EML5: variants seen among roughly 807,000 people sequenced by gnomAD.
EML5 encodes the protein echinoderm microtubule-associated protein-like 5.
A neutral mutation model predicts 250.0 loss-of-function variants in EML5; 120 were observed. The observed-to-expected ratio is 0.48, with a 90% CI of 0.41 to 0.56. The LOEUF is 0.56. EML5 is among the 20% of genes least tolerant of loss of function. The pLI is 0.00. For missense variants in EML5, 2,006 were observed against 2,437.6 expected, an observed-to-expected ratio of 0.82 and a Z score of 3.73; for synonymous variants, 771 against 806.5, an observed-to-expected ratio of 0.96 and a Z score of 0.75.
chr14:88,755,478 C>T lies in EML5; in HGVS notation c.198-807G>A, dbSNP rs114880149. Among the ~76,000 whole-genome samples, 864 of 151,506 alleles carry T rather than the reference C, an allele frequency of 5.7e-3. 7 individuals carry two copies. Among genetic ancestry groups the T allele is most frequent in the African/African-American group, 0.02 (831 of 41,334 alleles). ...AGAAACAGAAAGGTCACCCATAATT[C>T]GCAAAAAAAAATCTATGAGTCTCTA... On this transcript the variant is annotated intron_variant, in intron 1 of 43. Transcript: ENST00000554922.
intron 1 of EML5, among the ~76,000 whole-genome samples, chr14:88,773,680 C>A (rs1242782278): frequency 1.3e-5 from 2 of 152,196 alleles, no homozygotes; most frequent in African/African-American, 4.8e-5. Context: ...ATCACAATTT[C>A]TTTGGGTAAG....
In EML5 at chr14:88,758,552, C is replaced by T. The variant is rs568356352; in HGVS notation, c.198-3881G>A. ...AGTATTGGCAAGGATGTGGAAAAAG[C>T]GTAACCCTTAAACATTGATTATGGG... On this transcript the variant is annotated intron_variant, in intron 1 of 43. Coordinates refer to ENST00000554922, the MANE Select transcript of EML5 (RefSeq NM_183387.3). 5.3e-5 allele frequency among the ~76,000 whole-genome samples: 8 copies of T among 152,220 alleles called. No homozygotes were observed. In the South Asian group the frequency reaches 8.3e-4, roughly 16 times the overall value.
At chr14:88,785,699 A>G (rs914334959) in intron 1 of EML5, among the ~76,000 whole-genome samples, 2 of 152,030 alleles carry the variant, frequency 1.3e-5, no homozygotes, top group African/African-American at 4.8e-5. Context: ...TTCAAAATAC[A>G]TAAAAATTTG....
chr14:88,684,006 A>C (rs1217148705), intron 20 of EML5, among the ~76,000 whole-genome samples: 3 of 152,048 alleles, frequency 2.0e-5, no homozygotes, highest in Non-Finnish European at 4.4e-5. Flanking sequence ...ATTGGACAAG[A>C]AGAAGTAAAA....
intron 1 of EML5, among the ~76,000 whole-genome samples, chr14:88,764,068 T>C (rs1182417235): frequency 6.6e-6 from 1 of 152,222 alleles, no homozygotes; most frequent in African/African-American, 2.4e-5. Context: ...TGAACCAGCC[T>C]TGTATTCCTG....
chr14:88,710,353 T>G (rs2093385227), intron 10 of EML5, among the ~76,000 whole-genome samples: 1 of 152,238 alleles, frequency 6.6e-6, no homozygotes, highest in African/African-American at 2.4e-5. Flanking sequence ...CTACTTCTAT[T>G]ATTTAAAGTC....
At chr14:88,788,415 T>C (rs930188690) in intron 1 of EML5, among the ~76,000 whole-genome samples, 4 of 152,072 alleles carry the variant, frequency 2.6e-5, no homozygotes, top group African/African-American at 7.2e-5. Flanking sequence ...AAGCCATACA[T>C]AGAAGCAATG....
chr14:88,694,161 T>C lies in EML5; in HGVS notation c.2539+146A>G, dbSNP rs1409596282. 4.8e-6 allele frequency: 3 copies of C among 619,020 alleles called. No homozygotes were observed. The African/African-American group carries it at 5.6e-5, about 12-fold the overall frequency. The allele number at this position is 619,020 out of a possible 1,614,324, so 38.3% of individuals were successfully genotyped here. A position where few individuals can be genotyped will look rare whatever the true frequency, so the allele number is the denominator to read the frequency against. On this transcript the variant is annotated intron_variant, in intron 17 of 43. Transcript: ENST00000554922. Reference sequence around the variant, plus strand: ...CATTATTATTAAATGAACTCAAGACTTCATTCAGATTTCATCAGTTTTTCT... The same window carrying C: ...CATTATTATTAAATGAACTCAAGACCTCATTCAGATTTCATCAGTTTTTCT...
rs1325885094 is a variant in EML5, at chr14:88,614,098, T to C, written c.*1720A>G. The C allele has an allele frequency of 6.6e-6, 1 of 152,208 alleles. No individual in the cohort carries two copies. Among genetic ancestry groups the C allele is most frequent in the Non-Finnish European group, 1.5e-5 (1 of 68,030 alleles). The allele number at this position is 152,208 out of a possible 1,614,324, so 9.4% of individuals were successfully genotyped here. ...ACCTGCACTGTAATGGAAATATAAT[T>C]TCTCTGTAGCCAAAAGCTGGCAAAC... On this transcript the variant is annotated 3_prime_UTR_variant, in exon 44 of 44. Coordinates refer to ENST00000554922, the MANE Select transcript of EML5 (RefSeq NM_183387.3).
chr14:88,717,072 G>C (rs1232066281), intron 8 of EML5, among the ~76,000 whole-genome samples: 1 of 152,184 alleles, frequency 6.6e-6, no homozygotes, highest in African/African-American at 2.4e-5. Context: ...GAGTTGATCA[G>C]AGCATACAAC....
intron 1 of EML5, among the ~76,000 whole-genome samples, chr14:88,778,520 C>T (rs947149544): frequency 6.6e-6 from 1 of 152,222 alleles, no homozygotes; most frequent in African/African-American, 2.4e-5. Context: ...GTGGCTCACG[C>T]CAGTAATCCT....
rs76825804 is a variant in EML5 at position 88,741,063 on chromosome 14, T to A, written c.526-491A>T. Reference sequence around the variant, plus strand: ...CTGTAATCCCAGTTACTCGGGAGGCTGAGGCACAAGAATCGCTTGATATCA... The same window carrying A: ...CTGTAATCCCAGTTACTCGGGAGGCAGAGGCACAAGAATCGCTTGATATCA... On this transcript the variant is annotated intron_variant, in intron 4 of 43. Transcript: ENST00000554922. Among the ~76,000 whole-genome samples, 407 of 152,138 alleles carry A rather than the reference T, an allele frequency of 2.7e-3. 4 individuals carry two copies. The highest frequency in any genetic ancestry group is 9.2e-3 in the African/African-American group (382 of 41,488).
intron 29 of EML5, chr14:88,644,835 C>T (rs2091263869): frequency 1.6e-5 from 3 of 183,180 alleles, no homozygotes; most frequent in Non-Finnish European, 3.4e-5. Context: ...CTCAGCCTCC[C>T]GAGTAGCTGG....
intron 1 of EML5, among the ~76,000 whole-genome samples, chr14:88,758,383 C>T (rs1054888543): frequency 4.6e-5 from 7 of 151,906 alleles, no homozygotes; most frequent in South Asian, 4.2e-4. Context: ...TTAGTAAAGA[C>T]GAGGTTTCAC....
intron 1 of EML5, among the ~76,000 whole-genome samples, chr14:88,781,147 G>A (rs895240717): frequency 7.2e-5 from 11 of 152,254 alleles, no homozygotes; most frequent in African/African-American, 1.7e-4. Context: ...GGGTTTAGGC[G>A]GGCAAAGATG....
At chr14:88,675,248 G>A (rs2092566933) in intron 21 of EML5, among the ~76,000 whole-genome samples, 1 of 152,222 alleles carries the variant, frequency 6.6e-6, no homozygotes, top group South Asian at 2.1e-4. Context: ...CCTAGCAGAG[G>A]TTCTTCATGA....
intron 27 of EML5, 61 bp downstream of exon 27, chr14:88,657,315 A>G: frequency 6.7e-7 from 1 of 1,489,850 alleles, no homozygotes; most frequent in South Asian, 1.3e-5. Flanking sequence ...CACTTAAATA[A>G]TAAATTCCAT....
Position 88,792,823 on chromosome 14 carries a change from C to T in EML5, c.-320G>A. 1 of 846,846 alleles carries T rather than the reference C, an allele frequency of 1.2e-6. No individual in the cohort carries two copies. The highest frequency in any genetic ancestry group is 1.4e-6 in the Non-Finnish European group (1 of 700,434). 52.5% of individuals were successfully genotyped at this position (846,846 alleles called of 1,614,324 possible). A position where few individuals can be genotyped will look rare whatever the true frequency, so the allele number is the denominator to read the frequency against. The stretch of plus-strand genomic sequence containing the variant: ...GCCTGGGCCGAGAGCGAGGGCCCGC[C>T]TCCAGCTCCTCAGCCGCCGCCCGCG... On this transcript the variant is annotated 5_prime_UTR_variant, in exon 1 of 44. Transcript: ENST00000554922. The surrounding 1 kb of genome is among the most constrained non-coding windows in gnomAD (Gnocchi z 6.9).
At chr14:88,650,707 T>C (rs545198986) in intron 27 of EML5, among the ~76,000 whole-genome samples, 3 of 152,278 alleles carry the variant, frequency 2.0e-5, no homozygotes, top group African/African-American at 7.2e-5. Flanking sequence ...GGTGCGATCA[T>C]AGCTCACTGC....
Sources: gnomAD v4.1 joint callset for allele counts (sites outside exome capture counted in the v4.1 genomes callset) on GRCh38, gnomAD v4.1.1 for gene constraint, Gnocchi (gnomAD v3.1) non-coding constraint, MANE v1.5 for transcripts, NCBI Gene and HGNC (gene_info 2026-07-23, HGNC 2026-07-21) for gene names.